Variants in GRIK2 observed in about 807,000 individuals in gnomAD.
The protein encoded by GRIK2 is glutamate receptor ionotropic, kainate 2.
A neutral mutation model predicts 100.3 loss-of-function variants in GRIK2; 32 were observed. The ratio of observed to expected loss-of-function variants is 0.32; its 90% confidence interval spans 0.24 to 0.43. GRIK2 has a LOEUF of 0.43. GRIK2 is among the 20% of genes least tolerant of loss of function. GRIK2 has a pLI of 1.00. For missense variants in GRIK2, 843 were observed against 1,114.9 expected (o/e 0.76, Z 3.47); for synonymous variants, 417 against 389.4 (o/e 1.07, Z -0.83).
At chr6:101,539,020 A>G (rs1177544503) in intron 2 of GRIK2, among the ~76,000 whole-genome samples, 1 of 151,642 alleles carries the variant, frequency 6.6e-6, no homozygotes, top group East Asian at 1.9e-4. Context: ...ATGTTGAAAA[A>G]AAAAGAGAAT....
intron 2 of GRIK2, among the ~76,000 whole-genome samples, chr6:101,490,447 T>A (rs944502281): frequency 3.4e-5 from 5 of 146,088 alleles, no homozygotes; most frequent in Admixed American, 1.4e-4. Context: ...CATGAAGGGG[T>A]ATAGTGCAGG....
chr6:101,672,548 T>A (rs1316229016), intron 4 of GRIK2, among the ~76,000 whole-genome samples: 1 of 151,990 alleles, frequency 6.6e-6, no homozygotes, highest in East Asian at 2.0e-4. Context: ...TTCTAACGAT[T>A]TGATTTTATT....
intron 2 of GRIK2, among the ~76,000 whole-genome samples, chr6:101,442,954 T>C (rs73502676): frequency 0.03 from 4,519 of 152,292 alleles, 243 homozygotes; most frequent in African/African-American, 0.1. Context: ...CTTTTCCAGT[T>C]TTACTCTTTC....
intron 14 of GRIK2, among the ~76,000 whole-genome samples, chr6:102,009,887 T>A (rs1385936573): frequency 6.6e-6 from 1 of 152,116 alleles, no homozygotes; most frequent in Non-Finnish European, 1.5e-5. Flanking sequence ...ATTACCTTGT[T>A]AAAAGATTTT....
At chr6:102,053,832 A>G (rs1771331545) in intron 15 of GRIK2, among the ~76,000 whole-genome samples, 1 of 152,146 alleles carries the variant, frequency 6.6e-6, no homozygotes, top group Non-Finnish European at 1.5e-5. Flanking sequence ...GTAAATAATA[A>G]TACCAGGGAA....
At chr6:101,823,561 A>G (rs1423169485) in intron 10 of GRIK2, among the ~76,000 whole-genome samples, 1 of 152,092 alleles carries the variant, frequency 6.6e-6, no homozygotes, top group Non-Finnish European at 1.5e-5. Context: ...TATTAATGGA[A>G]CTAGAACTAT....
chr6:101,695,900 T>C (rs886563390), intron 7 of GRIK2, among the ~76,000 whole-genome samples: 2 of 152,098 alleles, frequency 1.3e-5, no homozygotes, highest in Non-Finnish European at 2.9e-5. Context: ...TATTGAATGC[T>C]GTACTGAAAG....
intron 10 of GRIK2, among the ~76,000 whole-genome samples, chr6:101,830,424 C>G (rs1782603730): frequency 6.6e-6 from 1 of 151,632 alleles, no homozygotes; most frequent in Non-Finnish European, 1.5e-5. Flanking sequence ...ACAAGTGTGA[C>G]CTACTTAAAG....
At chr6:101,921,702 G>T (rs2128469325) in intron 12 of GRIK2, among the ~76,000 whole-genome samples, 1 of 152,126 alleles carries the variant, frequency 6.6e-6, no homozygotes, top group Non-Finnish European at 1.5e-5. Flanking sequence ...GTGTGTGTTG[G>T]GAGATATTGC....
intron 12 of GRIK2, among the ~76,000 whole-genome samples, chr6:101,906,224 G>T (rs980790270): frequency 1.3e-5 from 2 of 151,652 alleles, no homozygotes; most frequent in Non-Finnish European, 3.0e-5. Flanking sequence ...AAGCTTGACT[G>T]TAGTGATATT....
At chr6:101,893,494 A>G (rs894138298) in intron 12 of GRIK2, among the ~76,000 whole-genome samples, 1 of 151,800 alleles carries the variant, frequency 6.6e-6, no homozygotes, top group African/African-American at 2.4e-5. Flanking sequence ...AATATTGTCA[A>G]AATTTCTCAA....
intron 14 of GRIK2, among the ~76,000 whole-genome samples, chr6:102,011,034 T>C (rs1253861904): frequency 6.6e-6 from 1 of 152,140 alleles, no homozygotes; most frequent in African/African-American, 2.4e-5. Flanking sequence ...AGTTTTCAAC[T>C]CGTTAGGGTG....
chr6:101,947,977 G>T (rs1791379085), intron 14 of GRIK2, among the ~76,000 whole-genome samples: 1 of 152,104 alleles, frequency 6.6e-6, no homozygotes, highest in Non-Finnish European at 1.5e-5. Flanking sequence ...AATGAAGTCT[G>T]TGTGAACGTT....
chr6:101,615,194 T>G (rs1582829471), intron 2 of GRIK2, among the ~76,000 whole-genome samples: 1 of 151,780 alleles, frequency 6.6e-6, no homozygotes, highest in Non-Finnish European at 1.5e-5. Flanking sequence ...ACTGTTAACT[T>G]TTAATATAAG....
intron 3 of GRIK2, 78 bp downstream of exon 3, chr6:101,622,194 C>A: frequency 1.2e-6 from 1 of 813,850 alleles, no homozygotes; most frequent in Non-Finnish European, 2.0e-6. Context: ...TTTTATTTTT[C>A]AACATACAGT....
At chr6:101,398,490 C>G (rs1775107801) in intron 1 of GRIK2, among the ~76,000 whole-genome samples, 1 of 152,182 alleles carries the variant, frequency 6.6e-6, no homozygotes, top group Non-Finnish European at 1.5e-5. Context: ...ATAAATAAGA[C>G]TCTTTCAATC....
At chr6:102,024,658 A>G (rs1368569896) in intron 14 of GRIK2, among the ~76,000 whole-genome samples, 1 of 151,354 alleles carries the variant, frequency 6.6e-6, no homozygotes, top group Non-Finnish European at 1.5e-5. Flanking sequence ...TTCTTGATGT[A>G]TGTGGAGTGT....
intron 2 of GRIK2, among the ~76,000 whole-genome samples, chr6:101,542,127 CTG>C (rs1173531763): frequency 6.6e-6 from 1 of 151,732 alleles, no homozygotes; most frequent in Non-Finnish European, 1.5e-5. Context: ...TCTAGGGAAA[CTG>C]TAATAATCAG....
At chr6:101,734,487 A>G (rs1775498723) in intron 7 of GRIK2, among the ~76,000 whole-genome samples, 1 of 152,192 alleles carries the variant, frequency 6.6e-6, no homozygotes, top group African/African-American at 2.4e-5. Flanking sequence ...ATTAGGGAGG[A>G]CAATTACTCA....
Sources: gnomAD v4.1 joint callset for allele counts (sites outside exome capture counted in the v4.1 genomes callset) on GRCh38, gnomAD v4.1.1 for gene constraint, MANE v1.5 for transcripts, NCBI Gene and HGNC (gene_info 2026-07-23, HGNC 2026-07-21) for gene names.